Variants in TMEM132D observed in about 807,000 individuals in gnomAD.
The protein encoded by TMEM132D is mature OL transmembrane protein.
In TMEM132D, 21 loss-of-function variants were observed where a neutral mutation model predicts 62.3. The observed-to-expected ratio is 0.34, with a 90% CI of 0.24 to 0.49. TMEM132D has a LOEUF of 0.49. Among genes scored for constraint, TMEM132D ranks in the 20% least tolerant of loss-of-function variants. The probability of loss-of-function intolerance (pLI) is 0.99; values close to 1 mark genes in which losing one functional copy is unlikely to be tolerated. For missense variants in TMEM132D, 1,346 were observed against 1,402.8 expected (o/e 0.96, Z 0.65); for synonymous variants, 621 against 575.6 (o/e 1.08, Z -1.13).
In TMEM132D at chr12:129,903,767, T is replaced by C. The variant is rs1295354881; in HGVS notation, c.-428A>G. 1 of 149,094 alleles carries C rather than the reference T, an allele frequency of 6.7e-6. No homozygotes were observed. The highest frequency in any genetic ancestry group is 1.5e-5 in the Non-Finnish European group (1 of 67,138). The allele number at this position is 149,094 out of a possible 1,614,324, so 9.2% of individuals were successfully genotyped here. A position where few individuals can be genotyped will look rare whatever the true frequency, so the allele number is the denominator to read the frequency against. On this transcript the variant is annotated 5_prime_UTR_variant, in exon 1 of 9. Coordinates refer to ENST00000422113, the MANE Select transcript of TMEM132D (RefSeq NM_133448.3). This position sits in a 1 kb window ranked among gnomAD's most constrained non-coding sequence, Gnocchi z 6.2. The stretch of plus-strand genomic sequence containing the variant: ...GGCGCTGGCGCAGGCGGCGCCGGGG[T>C]GGCGGGGCTGCGGAGCCCGGGACGC...
chr12:129,820,386 G>A (rs781493680), intron 1 of TMEM132D, among the ~76,000 whole-genome samples: 3 of 152,270 alleles, frequency 2.0e-5, no homozygotes, highest in East Asian at 3.9e-4. Flanking sequence ...GAGAATCTAC[G>A]TGGTTATTCG....
chr12:129,534,687 A>C (rs536863647), intron 2 of TMEM132D, among the ~76,000 whole-genome samples: 1 of 152,214 alleles, frequency 6.6e-6, no homozygotes, highest in Non-Finnish European at 1.5e-5. Flanking sequence ...TCTCCCTCCA[A>C]CCCTGGACAA....
intron 4 of TMEM132D, among the ~76,000 whole-genome samples, chr12:129,323,499 G>A (rs1397756687): frequency 2.0e-5 from 3 of 152,190 alleles, no homozygotes; most frequent in Non-Finnish European, 4.4e-5. Context: ...AATTGATTCT[G>A]AAGAAAAGTG....
chr12:129,675,067 G>A (rs1880594511), intron 2 of TMEM132D, among the ~76,000 whole-genome samples: 1 of 152,134 alleles, frequency 6.6e-6, no homozygotes, highest in Admixed American at 6.5e-5. Context: ...TTTACTACCA[G>A]TAAGGAGTAA....
chr12:129,377,919 T>A (rs1020495081), intron 3 of TMEM132D, among the ~76,000 whole-genome samples: 2 of 152,204 alleles, frequency 1.3e-5, no homozygotes, highest in African/African-American at 4.8e-5. Flanking sequence ...TTTAAATCAT[T>A]TGTGGAATGA....
chr12:129,450,744 T>C lies in TMEM132D; in HGVS notation c.1115+80315A>G, dbSNP rs1018514408. 1.4e-4 allele frequency among the ~76,000 whole-genome samples: 20 copies of C among 138,042 alleles called. No homozygotes were observed. In the South Asian group the frequency reaches 4.2e-3, roughly 29 times the overall value. The allele number at this position is 138,042 out of a possible 152,430, so 90.6% of individuals were successfully genotyped here. Reference sequence around the variant, plus strand: ...TCATTTCAGCAACCAAAAGTTTCCATCGCTTCTTTTTTTTTTTTTTTTTTT... The same window carrying C: ...TCATTTCAGCAACCAAAAGTTTCCACCGCTTCTTTTTTTTTTTTTTTTTTT... On this transcript the variant is annotated intron_variant, in intron 3 of 8. Coordinates refer to ENST00000422113, the MANE Select transcript of TMEM132D (RefSeq NM_133448.3).
intron 1 of TMEM132D, among the ~76,000 whole-genome samples, chr12:129,805,714 C>T (rs1411105083): frequency 3.3e-5 from 5 of 151,274 alleles, no homozygotes; most frequent in Admixed American, 1.3e-4. Flanking sequence ...AACTAAAGAG[C>T]TTCTGCACAG....
chr12:129,819,956 C>T (rs1015958469), intron 1 of TMEM132D, among the ~76,000 whole-genome samples: 8 of 152,054 alleles, frequency 5.3e-5, no homozygotes, highest in African/African-American at 1.2e-4. Flanking sequence ...GCACGTGCAC[C>T]GTGGACATGA....
chr12:129,501,303 C>A (rs1056926026), intron 3 of TMEM132D, among the ~76,000 whole-genome samples: 4 of 152,006 alleles, frequency 2.6e-5, no homozygotes, highest in African/African-American at 9.7e-5. Context: ...AATACAATCT[C>A]ATGTCTCATG....
intron 3 of TMEM132D, among the ~76,000 whole-genome samples, chr12:129,515,466 TA>T (rs1295094877): frequency 1.3e-5 from 2 of 152,194 alleles, no homozygotes; most frequent in East Asian, 3.9e-4. Flanking sequence ...GAGTGACTTC[TA>T]TTACTGAATG....
chr12:129,127,413 G>C (rs1283056701), intron 5 of TMEM132D, among the ~76,000 whole-genome samples: 2 of 152,170 alleles, frequency 1.3e-5, no homozygotes. Context: ...AGTCAGATGT[G>C]AGTAGGCTTG....
chr12:129,185,396 G>A (rs1189146734), intron 5 of TMEM132D, among the ~76,000 whole-genome samples: 1 of 152,186 alleles, frequency 6.6e-6, no homozygotes, highest in East Asian at 1.9e-4. Flanking sequence ...AAAAATGGGT[G>A]AAAACAAGTG....
At chr12:129,235,329 A>C (rs904508381) in intron 4 of TMEM132D, among the ~76,000 whole-genome samples, 1 of 152,194 alleles carries the variant, frequency 6.6e-6, no homozygotes, top group African/African-American at 2.4e-5. Context: ...CCAGATTTAG[A>C]ATATTCCATC....
intron 4 of TMEM132D, among the ~76,000 whole-genome samples, chr12:129,217,990 C>T (rs1879254810): frequency 6.6e-6 from 1 of 152,184 alleles, no homozygotes; most frequent in Non-Finnish European, 1.5e-5. Flanking sequence ...AGGCAGGCAT[C>T]TCCGGAGCTA....
At chr12:129,433,838 C>T (rs1872723328) in intron 3 of TMEM132D, among the ~76,000 whole-genome samples, 2 of 152,158 alleles carry the variant, frequency 1.3e-5, no homozygotes, top group Non-Finnish European at 1.5e-5. Flanking sequence ...AACAGCTGCT[C>T]ATGGCAGGAG....
chr12:129,285,979 C>CT (rs1478598793), intron 4 of TMEM132D, among the ~76,000 whole-genome samples: 1 of 151,916 alleles, frequency 6.6e-6, no homozygotes, highest in African/African-American at 2.4e-5. Flanking sequence ...AGATAAGATG[C>CT]TTTTTAAAAA....
intron 2 of TMEM132D, among the ~76,000 whole-genome samples, chr12:129,627,310 T>C (rs568557357): frequency 6.6e-6 from 1 of 152,300 alleles, no homozygotes; most frequent in South Asian, 2.1e-4. Context: ...CACATGGAAA[T>C]ATTTACCACT....
intron 4 of TMEM132D, among the ~76,000 whole-genome samples, chr12:129,229,721 A>T (rs917130245): frequency 2.6e-5 from 4 of 152,230 alleles, no homozygotes; most frequent in African/African-American, 9.6e-5. Flanking sequence ...AGTAAACCTA[A>T]AAGTGGGTCT....
intron 2 of TMEM132D, among the ~76,000 whole-genome samples, chr12:129,534,146 T>A (rs1275737405): frequency 6.6e-6 from 1 of 152,214 alleles, no homozygotes; most frequent in Non-Finnish European, 1.5e-5. Context: ...TTACATTCAT[T>A]AATGGAAGTT....
Sources: allele counts gnomAD v4.1 joint callset (sites outside exome capture counted in the v4.1 genomes callset), GRCh38; gene constraint gnomAD v4.1.1; non-coding constraint Gnocchi (gnomAD v3.1); transcripts MANE v1.5; gene names NCBI Gene and HGNC (gene_info 2026-07-23, HGNC 2026-07-21).